The following CDC25C variants were observed in gnomAD, a reference collection of about 807,000 sequenced individuals.
CDC25C encodes cell division cycle 25C, also known as M-phase inducer phosphatase 3.
CDC25C carries 48 observed loss-of-function variants against 52.5 expected under a neutral mutation model. That is an observed-to-expected ratio of 0.91 (90% CI 0.72 to 1.16). CDC25C has a LOEUF of 1.16. Ranked by LOEUF, CDC25C falls within the 50% of genes most tolerant of loss-of-function variation. CDC25C has a pLI of 0.00. For missense variants in CDC25C, 510 were observed against 566.1 expected (o/e 0.90, Z 1.01); for synonymous variants, 187 against 206.5 (o/e 0.91, Z 0.81).
At chr5:138,337,737 C>G (rs1760810768) in intron 1 of CDC25C, 1 of 345,274 alleles carries the variant, frequency 2.9e-6, no homozygotes. Context: ...CGAGCAGGCC[C>G]TAATCCGCGC....
At chr5:138,315,215 G>A (rs940255102) in intron 7 of CDC25C, among the ~76,000 whole-genome samples, 3 of 152,052 alleles carry the variant, frequency 2.0e-5, no homozygotes, top group Non-Finnish European at 4.4e-5. Flanking sequence ...AAACCACCAC[G>A]CCCAGCCTCC....
At chr5:138,285,937 G>A (rs941939412) in intron 13 of CDC25C, 85 bp downstream of exon 13, 2 of 1,539,770 alleles carry the variant, frequency 1.3e-6, no homozygotes, top group South Asian at 1.1e-5. Flanking sequence ...GGCTAAGGAG[G>A]AGCAGCAGTT....
upstream of CDC25C, among the ~76,000 whole-genome samples, chr5:138,336,501 T>C (rs1009714458): frequency 5.8e-4 from 89 of 152,186 alleles, no homozygotes; most frequent in African/African-American, 2.1e-3. Context: ...CTGGGCAACA[T>C]AGCAAGACGC....
Position 138,331,150 on chromosome 5 carries a change from C to T in CDC25C, c.31G>A (p.Glu11Lys). The change falls in exon 2 of 14, where the codon GAG (glutamate) becomes AAG (lysine). Residue 11 changes from glutamate to lysine, a missense_variant. Physicochemically the swap from Glu to Lys is moderately conservative, Grantham distance 56. Transcript: ENST00000323760. ...GGTCCTGAGCCAGAGCTTCCTTCCT[C>T]TCTTGTGGATGAGAAGAGTTCCGTA... is the stretch of plus-strand genomic sequence containing the variant. MSTELFSSTR[E>K]EGSSGSGPSF... 1 of 1,614,170 alleles carries T rather than the reference C, an allele frequency of 6.2e-7. No individual in the cohort carries two copies. The highest frequency in any genetic ancestry group is 1.1e-5 in the South Asian group (1 of 91,086).
intron 7 of CDC25C, among the ~76,000 whole-genome samples, chr5:138,298,878 C>G (rs1366564286): frequency 6.6e-6 from 1 of 151,826 alleles, no homozygotes; most frequent in Non-Finnish European, 1.5e-5. Context: ...CAGAAAAAAT[C>G]TGGAAAATTA....
chr5:138,289,708 A>G, intron 9 of CDC25C, 145 bp from the exon 10 acceptor site: 1 of 611,468 alleles, frequency 1.6e-6, no homozygotes, highest in Non-Finnish European at 3.0e-6. Flanking sequence ...AAGTGCATAT[A>G]CATCAAGTCC....
chr5:138,330,847 A>G (rs1207644330), intron 2 of CDC25C, 140 bp downstream of exon 2: 3 of 628,194 alleles, frequency 4.8e-6, no homozygotes, highest in South Asian at 2.0e-5. Context: ...GTGAGACTCA[A>G]AAGGGTTACA....
intron 3 of CDC25C, among the ~76,000 whole-genome samples, chr5:138,329,125 G>C (rs1486167424): frequency 6.6e-6 from 1 of 151,990 alleles, no homozygotes; most frequent in Non-Finnish European, 1.5e-5. Context: ...GGATGGTCTC[G>C]ATCTCTTGAC....
At chr5:138,291,208 C>T (rs1301167076) in intron 8 of CDC25C, among the ~76,000 whole-genome samples, 2 of 151,410 alleles carry the variant, frequency 1.3e-5, no homozygotes, top group Non-Finnish European at 2.9e-5. Context: ...AGTGATCCTC[C>T]CATCTATTTA....
chr5:138,299,487 C>T (rs1489944259), intron 7 of CDC25C, among the ~76,000 whole-genome samples: 2 of 107,618 alleles, frequency 1.9e-5, no homozygotes, highest in African/African-American at 3.5e-5. Context: ...CAGAGCAAGA[C>T]TCCGTCTCAA....
intron 6 of CDC25C, among the ~76,000 whole-genome samples, 179 bp downstream of exon 6, chr5:138,325,636 T>C (rs1163520794): frequency 6.6e-6 from 1 of 152,142 alleles, no homozygotes; most frequent in African/African-American, 2.4e-5. Context: ...TGGGTGTCTG[T>C]CCTAGGGCCA....
chr5:138,285,811 T>C lies in CDC25C; in HGVS notation c.1303A>G (p.Met435Val), dbSNP rs755824165. The C allele has an allele frequency of 6.2e-5, 100 of 1,614,082 alleles. No homozygotes were observed. Among genetic ancestry groups the C allele is most frequent in the African/African-American group, 6.1e-4 (46 of 74,936 alleles). Reference sequence around the variant, plus strand: ...TCAGTCTTGTGGTCCTGATGATGCATAGGGCAGTAGCTCTGTGGTTCACAC... The same window carrying C: ...TCAGTCTTGTGGTCCTGATGATGCACAGGGCAGTAGCTCTGTGGTTCACAC... ...ELCEPQSYCPMHHQDHKTELL... is the reference protein window; with the variant it reads ...ELCEPQSYCPVHHQDHKTELL... Residue 435 changes from methionine (M) to valine (V), a missense_variant, in exon 14 of 14, where the codon ATG (methionine) becomes GTG (valine). Coordinates refer to ENST00000323760, the MANE Select transcript of CDC25C (RefSeq NM_001790.5).
At chr5:138,297,589 C>T (rs189744457) in intron 7 of CDC25C, among the ~76,000 whole-genome samples, 9 of 152,312 alleles carry the variant, frequency 5.9e-5, no homozygotes. Context: ...AATTTTCACT[C>T]TAAGCTAATG....
In CDC25C at chr5:138,331,693, G is replaced by T. The variant is rs2126854644; in HGVS notation, c.-137C>A. The T allele has an allele frequency of 1.0e-6, 1 of 991,082 alleles. No individual in the cohort carries two copies. The allele number at this position is 991,082 out of a possible 1,614,324, so 61.4% of individuals were successfully genotyped here. A position where few individuals can be genotyped will look rare whatever the true frequency, so the allele number is the denominator to read the frequency against. On this transcript the variant is annotated 5_prime_UTR_variant, in exon 1 of 14. Coordinates refer to ENST00000323760, the MANE Select transcript of CDC25C (RefSeq NM_001790.5). Reference sequence around the variant, plus strand: ...GAGCAGAATGAAAGGAAATCTAGGGGAAAGGAGGTAGTTAACTAGATTGCA... The same window carrying T: ...GAGCAGAATGAAAGGAAATCTAGGGTAAAGGAGGTAGTTAACTAGATTGCA...
At chr5:138,310,451 A>ATG (rs979610592) in intron 7 of CDC25C, among the ~76,000 whole-genome samples, 2 of 152,148 alleles carry the variant, frequency 1.3e-5, no homozygotes, top group Non-Finnish European at 2.9e-5. Context: ...GATTACTTCA[A>ATG]TGTTTACTTT....
At chr5:138,285,915 G>A (rs907144253) in intron 13 of CDC25C, 74 bp from the exon 14 acceptor site, 33 of 1,559,882 alleles carry the variant, frequency 2.1e-5, no homozygotes, top group Admixed American at 3.4e-5. Flanking sequence ...TAGAGATGCT[G>A]CTGCTGGCAG....
chr5:138,289,676 C>T, intron 9 of CDC25C, 113 bp from the exon 10 acceptor site: 1 of 738,976 alleles, frequency 1.4e-6, no homozygotes, highest in South Asian at 1.6e-5. Context: ...CAGAGGCCTT[C>T]AAAAAAATCA....
chr5:138,336,613 G>T (rs1225595523), upstream of CDC25C, among the ~76,000 whole-genome samples: 2 of 151,976 alleles, frequency 1.3e-5, no homozygotes, highest in Non-Finnish European at 2.9e-5. Flanking sequence ...CTTGAGCCCA[G>T]AAGTTCAAGG....
At position 138,298,566 on chromosome 5, in the gene CDC25C, A is replaced by G. The variant is rs550783193; in HGVS notation, c.616-6450T>C. Among the ~76,000 whole-genome samples the G allele has an allele frequency of 2.7e-4, 41 of 151,680 alleles. 1 individual carries two copies. The highest frequency in any genetic ancestry group is 5.6e-4 in the Non-Finnish European group (38 of 67,918). ...AGAGATCGAGACCATCCTGGCCAAC[A>G]TGGTGAAATCCTGTCTCTACTAAAA... On this transcript the variant is annotated intron_variant, in intron 7 of 13. Transcript: ENST00000323760.
Sources: allele counts gnomAD v4.1 joint callset (sites outside exome capture counted in the v4.1 genomes callset), GRCh38; gene constraint gnomAD v4.1.1; transcripts MANE v1.5; gene names NCBI Gene and HGNC (gene_info 2026-07-23, HGNC 2026-07-21).